TCF20: variants seen among roughly 807,000 people sequenced by gnomAD.
TCF20 encodes transcription factor 20.
Under a neutral mutation model 148.6 loss-of-function variants are expected in TCF20, and 3 were observed. The observed-to-expected ratio is 0.02, with a 90% CI of 0.01 to 0.05. The LOEUF is 0.05. Among genes scored for constraint, TCF20 ranks in the 10% least tolerant of loss-of-function variants. The pLI is 1.00. For synonymous variants in TCF20, 1,049 were observed against 909.5 expected (o/e 1.15, Z -2.76); for missense variants, 2,350 against 2,429.3 (o/e 0.97, Z 0.69).
At chr22:42,163,066 C>A (rs1935563285) in intron 5 of TCF20, among the ~76,000 whole-genome samples, 1 of 152,190 alleles carries the variant, frequency 6.6e-6, no homozygotes, top group African/African-American at 2.4e-5. Context: ...GGCCAATGCC[C>A]ACACGTACCC....
intron 1 of TCF20, among the ~76,000 whole-genome samples, chr22:42,255,414 G>A (rs576215958): frequency 2.6e-5 from 4 of 151,900 alleles, no homozygotes; most frequent in Non-Finnish European, 2.9e-5. Flanking sequence ...ACTTGAACCC[G>A]GGAGGAGGAG....
intron 1 of TCF20, among the ~76,000 whole-genome samples, chr22:42,341,891 G>T (rs1928175189): frequency 6.6e-6 from 1 of 152,212 alleles, no homozygotes; most frequent in African/African-American, 2.4e-5. Context: ...ACCTGAGAAG[G>T]AGATGGGAGT....
At chr22:42,246,406 G>GC (rs1168460047) in intron 1 of TCF20, among the ~76,000 whole-genome samples, 1 of 152,156 alleles carries the variant, frequency 6.6e-6, no homozygotes, top group Non-Finnish European at 1.5e-5. Context: ...ACCAGGCCTG[G>GC]CCTCAATATA....
chr22:42,285,353 G>A (rs942343065), upstream of TCF20, among the ~76,000 whole-genome samples: 9 of 152,062 alleles, frequency 5.9e-5, no homozygotes, highest in East Asian at 1.3e-3. The surrounding 1 kb of genome is among the most constrained non-coding windows in gnomAD (Gnocchi z 4.2). Flanking sequence ...AGCTCCCACC[G>A]ACTATAAAGT....
At chr22:42,216,993 CAGTTT>C (rs1042187630) in intron 1 of TCF20, among the ~76,000 whole-genome samples, 19 of 152,300 alleles carry the variant, frequency 1.2e-4, no homozygotes, top group African/African-American at 4.1e-4. Context: ...GTGTAATAGA[CAGTTT>C]AGTTTAGTTA....
chr22:42,324,263 G>C (rs989102146), intron 1 of TCF20, among the ~76,000 whole-genome samples: 1 of 146,160 alleles, frequency 6.8e-6, no homozygotes, highest in Non-Finnish European at 1.5e-5. Flanking sequence ...GGAAGGGGAA[G>C]GGAACAAAGG....
At chr22:42,261,074 C>G (rs1601674833) in intron 1 of TCF20, among the ~76,000 whole-genome samples, 2 of 152,162 alleles carry the variant, frequency 1.3e-5, no homozygotes, top group Admixed American at 1.3e-4. Context: ...ATAAGTTCTG[C>G]CCATTCTGGA....
chr22:42,308,102 C>T (rs1015157603), intron 1 of TCF20, among the ~76,000 whole-genome samples: 2 of 152,178 alleles, frequency 1.3e-5, no homozygotes, highest in African/African-American at 4.8e-5. Flanking sequence ...CTCGTTTTAT[C>T]GTTAATTCAA....
At chr22:42,295,442 CTTT>C (rs869294446) in intron 1 of TCF20, among the ~76,000 whole-genome samples, 6 of 134,630 alleles carry the variant, frequency 4.5e-5, no homozygotes, top group Non-Finnish European at 6.5e-5. Context: ...GTTTTCTTTT[CTTT>C]TTTTTTTTTT....
intron 3 of TCF20, among the ~76,000 whole-genome samples, chr22:42,170,581 T>C (rs570034485): frequency 8.6e-6 from 1 of 116,394 alleles, no homozygotes; most frequent in East Asian, 2.9e-4. Context: ...TGAGCCGAGA[T>C]CACACCACTG....
intron 1 of TCF20, among the ~76,000 whole-genome samples, chr22:42,313,393 G>A (rs1431988685): frequency 6.6e-6 from 1 of 152,124 alleles, no homozygotes; most frequent in Non-Finnish European, 1.5e-5. Context: ...GCAGCTGCGA[G>A]CAGAGCCCTG....
At chr22:42,324,622 C>T (rs927089599) in intron 1 of TCF20, among the ~76,000 whole-genome samples, 2 of 150,612 alleles carry the variant, frequency 1.3e-5, no homozygotes, top group Admixed American at 6.6e-5. Context: ...CTCCACCATC[C>T]GAGAAAATAA....
intron 1 of TCF20, among the ~76,000 whole-genome samples, chr22:42,222,720 TA>T (rs1479912011): frequency 6.6e-6 from 1 of 152,216 alleles, no homozygotes; most frequent in Admixed American, 6.5e-5. Context: ...TAAGAGCTCC[TA>T]AAATGTGTTA....
intron 1 of TCF20, among the ~76,000 whole-genome samples, chr22:42,233,060 A>G (rs1923574691): frequency 6.6e-6 from 1 of 152,072 alleles, no homozygotes; most frequent in Admixed American, 6.5e-5. Context: ...AGCTGAGATT[A>G]CAGGCTTGTG....
chr22:42,312,057 G>T (rs968696577), intron 1 of TCF20, among the ~76,000 whole-genome samples: 4 of 152,216 alleles, frequency 2.6e-5, no homozygotes, highest in South Asian at 2.1e-4. Context: ...GGGGAAGGTT[G>T]CTCCTAGGAC....
At chr22:42,300,238 C>T (rs1206047181) in intron 1 of TCF20, among the ~76,000 whole-genome samples, 2 of 152,074 alleles carry the variant, frequency 1.3e-5, no homozygotes, top group Non-Finnish European at 2.9e-5. Flanking sequence ...TTTGGGGCCT[C>T]TGCTAGGAGG....
intron 1 of TCF20, among the ~76,000 whole-genome samples, chr22:42,320,697 A>C (rs1264418104): frequency 6.6e-6 from 1 of 152,232 alleles, no homozygotes; most frequent in African/African-American, 2.4e-5. Flanking sequence ...CTGGCAGTGC[A>C]TAAATGAACA....
At chr22:42,277,912 C>T (rs2147013207) in intron 1 of TCF20, among the ~76,000 whole-genome samples, 1 of 152,352 alleles carries the variant, frequency 6.6e-6, no homozygotes, top group East Asian at 1.9e-4. Flanking sequence ...CAGCTTCATC[C>T]TCATCAGCCA....
chr22:42,203,644 T>C (rs915538406), intron 2 of TCF20, among the ~76,000 whole-genome samples: 2 of 152,182 alleles, frequency 1.3e-5, no homozygotes, highest in Non-Finnish European at 2.9e-5. Context: ...GATACAAGTC[T>C]CTGCTATATA....
Sources: allele counts gnomAD v4.1 joint callset (sites outside exome capture counted in the v4.1 genomes callset), GRCh38; gene constraint gnomAD v4.1.1; non-coding constraint Gnocchi (gnomAD v3.1); transcripts MANE v1.5; gene names NCBI Gene and HGNC (gene_info 2026-07-23, HGNC 2026-07-21).